TVP23A: variants seen among roughly 807,000 people sequenced by gnomAD.
TVP23A encodes the protein Golgi apparatus membrane protein TVP23 homolog A.
A neutral mutation model predicts 31.7 loss-of-function variants in TVP23A; 21 were observed. The ratio of observed to expected loss-of-function variants is 0.66; its 90% confidence interval spans 0.47 to 0.95. The LOEUF is 0.95. Among genes scored for constraint, TVP23A ranks in the 40% least tolerant of loss-of-function variants. The pLI is 0.00. For missense variants in TVP23A, 279 were observed against 255.6 expected (o/e 1.09, Z -0.62); for synonymous variants, 104 against 96.0 (o/e 1.08, Z -0.49).
Position 10,818,123 on chromosome 16 carries a change from G to T in TVP23A, c.69C>A (p.Ala23=). The T allele has an allele frequency of 6.2e-7, 1 of 1,609,062 alleles. No homozygotes were observed. The highest frequency in any genetic ancestry group is 8.5e-7 in the Non-Finnish European group (1 of 1,177,958). ...CACACCTGATCTTGGCTTTCCTAAA[G>T]GCCAGCTCCTCCTCGTTTCCAAAGT... ...SLDFGNEEEL[A]FRKAKIRHPL... is the part of the protein sequence containing the mutation. The change falls in exon 2 of 8, where the codon GCC becomes GCA. Residue 23 remains alanine (A), a synonymous_variant. Coordinates refer to ENST00000299866, the MANE Select transcript of TVP23A (RefSeq NM_001079512.4). This position sits in a 1 kb window ranked among gnomAD's most constrained non-coding sequence, Gnocchi z 4.7.
At chr16:10,770,962 G>A (rs1308066426) in intron 6 of TVP23A, among the ~76,000 whole-genome samples, 1 of 150,628 alleles carries the variant, frequency 6.6e-6, no homozygotes, top group East Asian at 1.9e-4. Flanking sequence ...AACTAACAAT[G>A]GCAGTCACAA....
rs905359042 is a variant in TVP23A at position 10,768,158 on chromosome 16, C to T, written c.*944G>A. 10 of 755,974 alleles carry T rather than the reference C, an allele frequency of 1.3e-5. No individual in the cohort carries two copies. Among genetic ancestry groups the T allele is most frequent in the Admixed American group, 7.2e-5 (3 of 41,502 alleles). The allele number at this position is 755,974 out of a possible 1,614,324, so 46.8% of individuals were successfully genotyped here. The stretch of plus-strand genomic sequence containing the variant: ...ATGACCACAGAGTGGCCCCCATAGC[C>T]GAGGAAGCCAGGAGTCCATGAGAAA... On this transcript the variant is annotated 3_prime_UTR_variant, in exon 8 of 8. Transcript: ENST00000299866. This position sits in a 1 kb window ranked among gnomAD's most constrained non-coding sequence, Gnocchi z 4.3.
At chr16:10,762,722 C>A (rs1285646459), downstream of TVP23A, among the ~76,000 whole-genome samples, 1 of 151,904 alleles carries the variant, frequency 6.6e-6, no homozygotes, top group Non-Finnish European at 1.5e-5. Flanking sequence ...TGTCAGGGAA[C>A]CAAGGCCAGT....
chr16:10,790,430 G>A (rs1029989689), intron 2 of TVP23A, among the ~76,000 whole-genome samples: 4 of 151,804 alleles, frequency 2.6e-5, no homozygotes, highest in Admixed American at 6.6e-5. Flanking sequence ...GACTACAGGC[G>A]CCCGCCACCA....
At position 10,818,588 on chromosome 16, in the gene TVP23A, C is replaced by T. The variant is rs2034549780; in HGVS notation, c.-95G>A. On this transcript the variant is annotated 5_prime_UTR_variant, in exon 1 of 8. Transcript: ENST00000299866. This position sits in a 1 kb window ranked among gnomAD's most constrained non-coding sequence, Gnocchi z 4.7. ...CGGACGCCGGGCGGGCGGATGTAGG[C>T]AGCAGACGGTGGACGCTGAGGGTCG... 3 of 1,475,102 alleles carry T rather than the reference C, an allele frequency of 2.0e-6. No homozygotes were observed. The highest frequency in any genetic ancestry group is 2.7e-6 in the Non-Finnish European group (3 of 1,105,404). The allele number at this position is 1,475,102 out of a possible 1,614,324, so 91.4% of individuals were successfully genotyped here. A position where few individuals can be genotyped will look rare whatever the true frequency, so the allele number is the denominator to read the frequency against.
intron 2 of TVP23A, among the ~76,000 whole-genome samples, chr16:10,791,995 T>TG (rs1351712518): frequency 6.6e-6 from 1 of 152,144 alleles, no homozygotes; most frequent in Non-Finnish European, 1.5e-5. Flanking sequence ...AAGATTAGGG[T>TG]GGGGTGGCCA....
In TVP23A at chr16:10,767,790, C is replaced by G. The variant is rs1405533191; in HGVS notation, c.*1312G>C. ...CTGGGGACCCTGCTGGAAGGAAGGT[C>G]CCTGAGACCCCACTGGTCTTTTCTA... On this transcript the variant is annotated 3_prime_UTR_variant, in exon 8 of 8. Transcript: ENST00000299866. The surrounding 1 kb of genome is among the most constrained non-coding windows in gnomAD (Gnocchi z 4.6). The G allele has an allele frequency of 1.6e-6, 1 of 641,780 alleles. No homozygotes were observed. The highest frequency in any genetic ancestry group is 1.8e-5 in the African/African-American group (1 of 54,586). The allele number at this position is 641,780 out of a possible 1,614,324, so 39.8% of individuals were successfully genotyped here. A position where few individuals can be genotyped will look rare whatever the true frequency, so the allele number is the denominator to read the frequency against.
At chr16:10,759,016 C>T (rs752436591), downstream of TVP23A, among the ~76,000 whole-genome samples, 4 of 152,174 alleles carry the variant, frequency 2.6e-5, no homozygotes, top group Admixed American at 6.5e-5. This position sits in a 1 kb window ranked among gnomAD's most constrained non-coding sequence, Gnocchi z 4.7. Context: ...TCCACAGTTA[C>T]GCCTGACTTC....
chr16:10,761,422 C>G (rs1014508687), exon 9 of TVP23A: 5 of 1,614,124 alleles, frequency 3.1e-6, no homozygotes, highest in Non-Finnish European at 4.2e-6. Context: ...GTGAAGCTGC[C>G]CATCATCGGG....
At chr16:10,790,481 T>C (rs1452548755) in intron 2 of TVP23A, among the ~76,000 whole-genome samples, 2 of 152,050 alleles carry the variant, frequency 1.3e-5, no homozygotes, top group Admixed American at 1.3e-4. Context: ...GAGACAGGGT[T>C]TCACCGTGTT....
chr16:10,769,069 C>CCAT lies in TVP23A; in HGVS notation c.*30_*32dup, dbSNP rs777935565. The stretch of plus-strand genomic sequence containing the variant: ...CAGGAATCCAAGAGTTTTGTAATCT[C>CCAT]CATCAGTCAAAAGAAGAGAACCTCA... On this transcript the variant is annotated 3_prime_UTR_variant, in exon 8 of 8. Transcript: ENST00000299866. The CCAT allele has an allele frequency of 1.8e-5, 29 of 1,614,072 alleles. No homozygotes were observed. In the East Asian group the frequency reaches 5.3e-4, roughly 30 times the overall value.
chr16:10,776,212 T>G (rs1404373969), intron 2 of TVP23A, among the ~76,000 whole-genome samples: 1 of 151,238 alleles, frequency 6.6e-6, no homozygotes, highest in Non-Finnish European at 1.5e-5. Context: ...CCATTTCTAC[T>G]CAAAATACAA....
chr16:10,769,950 A>G (rs549373696), intron 7 of TVP23A, among the ~76,000 whole-genome samples: 34 of 152,210 alleles, frequency 2.2e-4, no homozygotes, highest in Admixed American at 3.3e-4. Context: ...GGGAAACAAG[A>G]ACAAATCCCC....
intron 2 of TVP23A, among the ~76,000 whole-genome samples, chr16:10,780,454 C>T (rs956499991): frequency 2.0e-5 from 3 of 152,174 alleles, no homozygotes; most frequent in African/African-American, 7.2e-5. Context: ...ACATTCCAGC[C>T]TTTGTATAAG....
At chr16:10,783,448 G>A (rs1341798239) in intron 2 of TVP23A, among the ~76,000 whole-genome samples, 1 of 152,144 alleles carries the variant, frequency 6.6e-6, no homozygotes, top group African/African-American at 2.4e-5. Context: ...GGCTGAGGTG[G>A]GCAGATCACT....
chr16:10,771,542 A>G, intron 6 of TVP23A, 128 bp downstream of exon 6: 1 of 1,276,372 alleles, frequency 7.8e-7, no homozygotes, highest in East Asian at 2.6e-5. Context: ...CTCCCAAAAA[A>G]TATATAAACA....
intron 6 of TVP23A, 40 bp downstream of exon 6, chr16:10,771,630 T>C (rs749154951): frequency 6.2e-7 from 1 of 1,610,374 alleles, no homozygotes; most frequent in Non-Finnish European, 8.5e-7. Context: ...TTTGACTACC[T>C]GGAGAGGAGT....
At chr16:10,774,152 C>CAGGCAA in intron 3 of TVP23A, 24 bp from the exon 4 acceptor site, 1 of 1,572,540 alleles carries the variant, frequency 6.4e-7, no homozygotes. Context: ...ACAAAGGACT[C>CAGGCAA]TGAGCAGGTC....
At chr16:10,761,439 G>C (rs771665228) in exon 9 of TVP23A, 3 of 1,614,120 alleles carry the variant, frequency 1.9e-6, no homozygotes, top group Non-Finnish European at 8.5e-7. Flanking sequence ...CGGGGTGGTG[G>C]AGAACATGAG....
Sources: gnomAD v4.1 joint callset for allele counts (sites outside exome capture counted in the v4.1 genomes callset) on GRCh38, gnomAD v4.1.1 for gene constraint, Gnocchi (gnomAD v3.1) non-coding constraint, MANE v1.5 for transcripts, NCBI Gene and HGNC (gene_info 2026-07-23, HGNC 2026-07-21) for gene names.